The following COP1 variants were observed in gnomAD, a reference collection of about 807,000 sequenced individuals.
COP1 encodes the protein E3 ubiquitin-protein ligase COP1.
In COP1, 24 loss-of-function variants were observed where a neutral mutation model predicts 101.3. That is an observed-to-expected ratio of 0.24 (90% CI 0.17 to 0.33). The LOEUF is 0.33. Among genes scored for constraint, COP1 ranks in the 10% least tolerant of loss-of-function variants. The pLI, the probability that COP1 is intolerant of heterozygous loss-of-function variation, is 1.00. For synonymous variants in COP1, 347 were observed against 341.9 expected (o/e 1.01, Z -0.17); for missense variants, 663 against 906.2 (o/e 0.73, Z 3.45).
chr1:176,206,315 T>A (rs984465134), intron 1 of COP1: 1 of 497,552 alleles, frequency 2.0e-6, no homozygotes, highest in Non-Finnish European at 3.5e-6. Context: ...TTCGTTAAAC[T>A]CCCTTCACTT....
intron 6 of COP1, among the ~76,000 whole-genome samples, chr1:176,140,424 T>C (rs1304238909): frequency 1.3e-5 from 2 of 152,008 alleles, no homozygotes; most frequent in Non-Finnish European, 2.9e-5. Flanking sequence ...AAGAAAAAAG[T>C]TTGGAAGACT....
intron 18 of COP1, among the ~76,000 whole-genome samples, chr1:175,947,950 G>A (rs1649395224): frequency 6.6e-6 from 1 of 152,128 alleles, no homozygotes; most frequent in Admixed American, 6.5e-5. Flanking sequence ...ACCAGTAATT[G>A]ATGTAAAACC....
intron 9 of COP1, among the ~76,000 whole-genome samples, chr1:176,098,037 T>C (rs1682737596): frequency 6.6e-6 from 1 of 152,194 alleles, no homozygotes; most frequent in Non-Finnish European, 1.5e-5. Context: ...AATACAGATG[T>C]CATCAAAATG....
chr1:176,006,477 T>C (rs1041374976), intron 15 of COP1, among the ~76,000 whole-genome samples: 2 of 152,204 alleles, frequency 1.3e-5, no homozygotes, highest in East Asian at 1.9e-4. Flanking sequence ...GATTTTGCAG[T>C]GGCTGGTATG....
At chr1:176,173,143 C>G (rs1299702471) in intron 3 of COP1, among the ~76,000 whole-genome samples, 3 of 151,816 alleles carry the variant, frequency 2.0e-5, no homozygotes, top group African/African-American at 7.3e-5. Context: ...AACCCTGTCT[C>G]TACTAAAAAT....
chr1:175,974,922 CA>C (rs34306335), intron 18 of COP1, among the ~76,000 whole-genome samples: 58,985 of 91,334 alleles, frequency 0.65, 16,887 homozygotes, highest in East Asian at 0.77. Context: ...GACCCTGTCT[CA>C]AAAAAAAAAA....
chr1:176,037,010 G>A (rs1027523524), intron 14 of COP1, among the ~76,000 whole-genome samples: 3 of 152,100 alleles, frequency 2.0e-5, no homozygotes, highest in Non-Finnish European at 2.9e-5. Context: ...TTATTAGTTC[G>A]AAATCTACTA....
chr1:176,164,244 T>C (rs1694761180), intron 3 of COP1, among the ~76,000 whole-genome samples: 1 of 152,212 alleles, frequency 6.6e-6, no homozygotes, highest in Admixed American at 6.6e-5. Flanking sequence ...ACTGAGTATC[T>C]ACTATGAGTT....
At chr1:175,945,685 TA>T (rs1374752985) in intron 19 of COP1, among the ~76,000 whole-genome samples, 1 of 152,148 alleles carries the variant, frequency 6.6e-6, no homozygotes, top group East Asian at 1.9e-4. Flanking sequence ...TATACTGTCA[TA>T]AAAAAGTAAG....
intron 9 of COP1, among the ~76,000 whole-genome samples, chr1:176,087,668 T>G (rs1387946288): frequency 6.6e-6 from 1 of 152,200 alleles, no homozygotes; most frequent in Non-Finnish European, 1.5e-5. Flanking sequence ...GAGTATAAAC[T>G]AATTCAACCA....
intron 9 of COP1, among the ~76,000 whole-genome samples, chr1:176,108,131 T>C (rs1206065094): frequency 6.6e-6 from 1 of 152,186 alleles, no homozygotes; most frequent in Non-Finnish European, 1.5e-5. Context: ...CTGAGATACA[T>C]CAATTTTTTA....
intron 5 of COP1, among the ~76,000 whole-genome samples, chr1:176,155,014 C>T (rs187134528): frequency 5.9e-5 from 9 of 151,994 alleles, no homozygotes; most frequent in African/African-American, 1.4e-4. Flanking sequence ...AAGCATAAGA[C>T]GAATATTTAC....
At chr1:176,008,114 C>T (rs1470980063) in intron 15 of COP1, among the ~76,000 whole-genome samples, 6 of 152,154 alleles carry the variant, frequency 3.9e-5, no homozygotes, top group Non-Finnish European at 7.4e-5. Flanking sequence ...TTTCCAGGTG[C>T]GTCCGTCACC....
At chr1:176,023,234 C>T (rs899556247) in intron 15 of COP1, among the ~76,000 whole-genome samples, 3 of 152,170 alleles carry the variant, frequency 2.0e-5, no homozygotes, top group Non-Finnish European at 2.9e-5. Context: ...AGCCTTTCCA[C>T]ACACACTATT....
intron 15 of COP1, among the ~76,000 whole-genome samples, chr1:175,996,241 T>A (rs376135908): frequency 1.3e-5 from 2 of 150,268 alleles, no homozygotes; most frequent in African/African-American, 2.4e-5. Context: ...TTTGATGGGA[T>A]ATATCTCAAA....
rs561475155 is a variant in COP1 at position 176,112,463 on chromosome 1, G to A, written c.1026+4161C>T. Among the ~76,000 whole-genome samples the A allele has an allele frequency of 6.6e-5, 10 of 152,198 alleles. No individual in the cohort carries two copies. In the East Asian group the frequency reaches 1.9e-3, roughly 29 times the overall value. On this transcript the variant is annotated intron_variant, in intron 9 of 19. Coordinates refer to ENST00000367669, the MANE Select transcript of COP1 (RefSeq NM_022457.7). ...TATATCATGGTTGTGCATATCTGTG[G>A]GGGGTACATGTAATATTTTGATAGA...
intron 10 of COP1, among the ~76,000 whole-genome samples, chr1:176,084,063 T>C (rs532061456): frequency 5.0e-4 from 76 of 152,292 alleles, no homozygotes; most frequent in Admixed American, 3.3e-4. Flanking sequence ...TAAAGATTAC[T>C]AATAATAGCC....
At chr1:175,954,874 C>T (rs543540546) in intron 18 of COP1, among the ~76,000 whole-genome samples, 13 of 152,160 alleles carry the variant, frequency 8.5e-5, no homozygotes, top group African/African-American at 2.9e-4. Context: ...AAGAATAATG[C>T]ATCATGTCTA....
chr1:176,014,077 G>A (rs189622973), intron 15 of COP1, among the ~76,000 whole-genome samples: 109 of 152,214 alleles, frequency 7.2e-4, no homozygotes, highest in Non-Finnish European at 6.5e-4. Context: ...TCATGTTTTT[G>A]GTGGAGAATA....
Sources: gnomAD v4.1 joint callset for allele counts (sites outside exome capture counted in the v4.1 genomes callset) on GRCh38, gnomAD v4.1.1 for gene constraint, MANE v1.5 for transcripts, NCBI Gene and HGNC (gene_info 2026-07-23, HGNC 2026-07-21) for gene names.